The following F8 variants were observed in gnomAD, a reference collection of about 807,000 sequenced individuals.
F8 encodes the protein antihemophilic factor.
A neutral mutation model predicts 140.6 loss-of-function variants in F8; 12 were observed. The observed-to-expected ratio is 0.09, with a 90% CI of 0.05 to 0.14. The LOEUF (loss-of-function observed/expected upper bound fraction) is 0.14, where lower values mean the gene tolerates loss of function less well. Ranked by LOEUF, F8 falls within the 10% of genes least tolerant of loss-of-function variation. The pLI is 1.00. For missense variants in F8, 1,354 were observed against 1,720.7 expected (o/e 0.79, Z 3.77); for synonymous variants, 585 against 614.6 (o/e 0.95, Z 0.71).
chrX:154,977,792 T>A (rs782619402), intron 6 of F8, among the ~76,000 whole-genome samples: 63 of 110,857 alleles, frequency 5.7e-4, no homozygotes, highest in Admixed American at 1.4e-3. Context: ...TATCTAGATG[T>A]CTAAATCTCT....
At chrX:155,012,744 C>G (rs1468235975) in intron 1 of F8, among the ~76,000 whole-genome samples, 1 of 110,093 alleles carries the variant, frequency 9.1e-6, no homozygotes, top group Non-Finnish European at 1.9e-5. Context: ...ACAAAAAACA[C>G]TGGGATAAGA....
chrX:154,867,690 C>CAAAAAAAAAAA (rs373471645), intron 22 of F8, among the ~76,000 whole-genome samples: 6 of 41,798 alleles, frequency 1.4e-4, no homozygotes, highest in Non-Finnish European at 2.7e-4. Flanking sequence ...GACTCTGTCT[C>CAAAAAAAAAAA]AAAAAAAAAA....
chrX:154,930,254 T>C lies in F8; in HGVS notation c.3536A>G (p.Asp1179Gly), dbSNP rs781824453. 9.9e-6 allele frequency: 12 copies of C among 1,211,002 alleles called. No homozygotes were observed. In the South Asian group the frequency reaches 1.9e-4, roughly 20 times the overall value. The change falls in exon 14 of 26, where the codon GAC becomes GGC. Residue 1179 changes from aspartate to glycine, a missense_variant. Physicochemically the swap from Asp to Gly is moderately conservative, Grantham distance 94. Transcript: ENST00000360256. ...VVVGKGEFTK[D>G]VGLKEMVFPS... ...AAAAACCATCTCTTTGAGTCCTACGTCCTTTGTAAATTCACCCTTTCCTAC... is the reference window on the plus strand; with the variant it reads ...AAAAACCATCTCTTTGAGTCCTACGCCCTTTGTAAATTCACCCTTTCCTAC...
In F8 at chrX:154,955,165, C is replaced by CTTTTTTTTTTTTT. The variant is rs1185466045; in HGVS notation, c.1753-1136_1753-1124dup. ...GTTTTGCCCAAAAGTATTTATTAAG[C>CTTTTTTTTTTTTT]TTTTTTTTTTTTTTTTTTTTTTTTT... On this transcript the variant is annotated intron_variant, in intron 11 of 25. Transcript: ENST00000360256. Among the ~76,000 whole-genome samples, 2 of 36,063 alleles carry CTTTTTTTTTTTTT rather than the reference C, an allele frequency of 5.5e-5. 1 individual carries two copies. Among genetic ancestry groups the CTTTTTTTTTTTTT allele is most frequent in the African/African-American group, 2.4e-4 (2 of 8,449 alleles). The allele number at this position is 36,063 out of a possible 115,157, so 31.3% of individuals were successfully genotyped here. A position where few individuals can be genotyped will look rare whatever the true frequency, so the allele number is the denominator to read the frequency against.
intron 14 of F8, among the ~76,000 whole-genome samples, chrX:154,928,137 CT>C (rs782579346): frequency 4.7e-4 from 52 of 111,696 alleles, no homozygotes; most frequent in African/African-American, 1.6e-3. Flanking sequence ...ACTGACTCTC[CT>C]TATGTTTATA....
chrX:154,916,694 T>C (rs951498041), intron 14 of F8, among the ~76,000 whole-genome samples: 2 of 111,676 alleles, frequency 1.8e-5, no homozygotes, highest in Non-Finnish European at 3.8e-5. Context: ...TCATTTTTTT[T>C]CCTTAGTCTA....
rs4898352 is a variant in F8, at chrX:154,903,815, A to T, written c.5998+91T>A. 246,007 of 775,751 alleles carry T rather than the reference A, an allele frequency of 0.32. 33,605 individuals are homozygous for T. Among genetic ancestry groups the T allele is most frequent in the African/African-American group, 0.82 (39,749 of 48,572 alleles). The allele number at this position is 775,751 out of a possible 1,213,427, so 63.9% of individuals were successfully genotyped here. ...AAGAGCATGGAGCTTGTCTGCTTTG[A>T]TCACTGATTGTGTTCCCAGTGCCTA... is the stretch of plus-strand genomic sequence containing the variant. On this transcript the variant is annotated intron_variant, in intron 18 of 25. Transcript: ENST00000360256.
At chrX:154,927,855 G>T (rs181390223) in intron 14 of F8, among the ~76,000 whole-genome samples, 23 of 111,614 alleles carry the variant, frequency 2.1e-4, no homozygotes, top group African/African-American at 6.8e-4. Context: ...CAGCTGGCCT[G>T]TTATCATCAT....
Position 154,947,695 on chromosome X carries a change from A to G in F8, c.2113+3T>C, listed in dbSNP as rs1569559754. The G allele has an allele frequency of 8.3e-7, 1 of 1,202,108 alleles. No individual in the cohort carries two copies. On this transcript the variant is annotated splice_donor_region_variant and intron_variant, in intron 13 of 25. Coordinates refer to ENST00000360256, the MANE Select transcript of F8 (RefSeq NM_000132.4). ...TTGGTACAAGAAAAATATAATAACTAACCTGGGTTTTCCATCGACATGAAG... is the reference window on the plus strand; with the variant it reads ...TTGGTACAAGAAAAATATAATAACTGACCTGGGTTTTCCATCGACATGAAG...
intron 1 of F8, among the ~76,000 whole-genome samples, chrX:155,013,409 T>C (rs1183589900): frequency 1.8e-5 from 2 of 111,157 alleles, no homozygotes; most frequent in Non-Finnish European, 1.9e-5. Flanking sequence ...CCATATAAGA[T>C]GTGTCTTTGC....
intron 13 of F8, among the ~76,000 whole-genome samples, chrX:154,945,172 T>TA (rs782291091): frequency 1.1e-4 from 12 of 107,637 alleles, no homozygotes; most frequent in East Asian, 5.8e-4. Context: ...TGTATAATAA[T>TA]AAAAAAAAAG....
intron 1 of F8, among the ~76,000 whole-genome samples, chrX:155,005,231 G>A (rs984800896): frequency 2.7e-5 from 3 of 111,762 alleles, no homozygotes; most frequent in Non-Finnish European, 3.8e-5. Context: ...AAGCGTAACC[G>A]ATCCTGATCA....
intron 1 of F8, among the ~76,000 whole-genome samples, chrX:155,013,490 T>C (rs1362944638): frequency 8.9e-6 from 1 of 111,863 alleles, no homozygotes; most frequent in Non-Finnish European, 1.9e-5. Flanking sequence ...ATTAAATCTC[T>C]TTCCTTTATA....
intron 9 of F8, among the ~76,000 whole-genome samples, chrX:154,963,494 T>C (rs1337796172): frequency 8.9e-6 from 1 of 111,829 alleles, no homozygotes; most frequent in African/African-American, 3.3e-5. Context: ...CTATTGTGAG[T>C]AGTGCCGCAA....
At chrX:154,980,965 A>G (rs1557283485) in intron 6 of F8, among the ~76,000 whole-genome samples, 1 of 112,333 alleles carries the variant, frequency 8.9e-6, no homozygotes, top group African/African-American at 3.2e-5. Flanking sequence ...AGACCATATC[A>G]AAAAGAAAGT....
At chrX:154,852,846 C>G (rs1603431329) in intron 25 of F8, among the ~76,000 whole-genome samples, 1 of 111,403 alleles carries the variant, frequency 9.0e-6, no homozygotes, top group Non-Finnish European at 1.9e-5. Context: ...CACACTGCAG[C>G]CTGAGCGACA....
chrX:154,943,749 C>A (rs1046766164), intron 13 of F8, among the ~76,000 whole-genome samples: 3 of 111,650 alleles, frequency 2.7e-5, no homozygotes, highest in African/African-American at 9.8e-5. Context: ...GGAGGCATCA[C>A]GCTCCCTGAC....
chrX:154,877,397 G>A (rs1490472507), intron 22 of F8, among the ~76,000 whole-genome samples: 4 of 112,187 alleles, frequency 3.6e-5, no homozygotes, highest in Non-Finnish European at 5.6e-5. Context: ...TCACAAAGGT[G>A]CAATGTTACT....
At chrX:154,876,151 G>C (rs782222981) in intron 22 of F8, among the ~76,000 whole-genome samples, 1 of 90,526 alleles carries the variant, frequency 1.1e-5, no homozygotes, top group African/African-American at 4.5e-5. Context: ...ACGGAGTCTC[G>C]CTCTGTCGCC....
Sources: gnomAD v4.1 joint callset for allele counts (sites outside exome capture counted in the v4.1 genomes callset) on GRCh38, gnomAD v4.1.1 for gene constraint, MANE v1.5 for transcripts, NCBI Gene and HGNC (gene_info 2026-07-23, HGNC 2026-07-21) for gene names.